The following ADAM12 variants were observed in gnomAD, a reference collection of about 807,000 sequenced individuals.
ADAM12 encodes the protein ADAM metallopeptidase domain 12, also known as disintegrin and metalloproteinase domain-containing protein 12.
Under a neutral mutation model 106.4 loss-of-function variants are expected in ADAM12, and 70 were observed. The ratio of observed to expected loss-of-function variants is 0.66; its 90% confidence interval spans 0.54 to 0.80. The LOEUF (loss-of-function observed/expected upper bound fraction) is 0.80, where lower values mean the gene tolerates loss of function less well. Among genes scored for constraint, ADAM12 ranks in the 30% least tolerant of loss-of-function variants. ADAM12 has a pLI of 0.00. For missense variants in ADAM12, 1,010 were observed against 1,171.9 expected (o/e 0.86, Z 2.02); for synonymous variants, 420 against 433.5 (o/e 0.97, Z 0.39).
At chr10:126,219,647 T>C (rs1590636259) in intron 3 of ADAM12, among the ~76,000 whole-genome samples, 2 of 152,242 alleles carry the variant, frequency 1.3e-5, no homozygotes, top group Non-Finnish European at 2.9e-5. Context: ...ATAGATATGT[T>C]GCAATTGTCT....
At chr10:126,315,653 A>G (rs750663792) in intron 2 of ADAM12, among the ~76,000 whole-genome samples, 1 of 152,080 alleles carries the variant, frequency 6.6e-6, no homozygotes, top group Non-Finnish European at 1.5e-5. Context: ...GTACCTGCCA[A>G]TGAAACAGCA....
chr10:126,228,813 G>A (rs889691429), intron 3 of ADAM12, among the ~76,000 whole-genome samples: 1 of 152,166 alleles, frequency 6.6e-6, no homozygotes, highest in East Asian at 1.9e-4. Context: ...ATATGTTCAA[G>A]CCTCCTCTTT....
At chr10:126,184,844 G>A (rs1457183543) in intron 3 of ADAM12, among the ~76,000 whole-genome samples, 3 of 152,152 alleles carry the variant, frequency 2.0e-5, no homozygotes, top group South Asian at 2.1e-4. Context: ...ACAAGGGTAC[G>A]AGGACGTCAC....
chr10:126,041,430 A>T (rs1954166678), intron 18 of ADAM12: 2 of 985,508 alleles, frequency 2.0e-6, no homozygotes, highest in Non-Finnish European at 2.4e-6. Flanking sequence ...TAACATTCTT[A>T]CTTGTTAAAT....
At chr10:126,167,790 A>G (rs370022792) in intron 3 of ADAM12, among the ~76,000 whole-genome samples, 84 of 152,330 alleles carry the variant, frequency 5.5e-4, no homozygotes, top group Non-Finnish European at 1.1e-3. Context: ...TTAAGCATCC[A>G]CATGGTCTAT....
At chr10:126,332,447 A>C (rs1199191393) in intron 1 of ADAM12, among the ~76,000 whole-genome samples, 1 of 152,262 alleles carries the variant, frequency 6.6e-6, no homozygotes, top group Admixed American at 6.5e-5. Flanking sequence ...TCAGAGAGCC[A>C]GAAGTGCTGT....
intron 1 of ADAM12, among the ~76,000 whole-genome samples, chr10:126,371,504 G>T (rs949383274): frequency 2.6e-5 from 4 of 152,122 alleles, no homozygotes; most frequent in Non-Finnish European, 4.4e-5. Flanking sequence ...ATTCACTTAC[G>T]TTTTGCTGTA....
chr10:126,019,463 T>A (rs1953719202), intron 22 of ADAM12, among the ~76,000 whole-genome samples: 1 of 152,222 alleles, frequency 6.6e-6, no homozygotes, highest in African/African-American at 2.4e-5. Flanking sequence ...TTTGCTCTCT[T>A]AGGTCCACTG....
intron 3 of ADAM12, among the ~76,000 whole-genome samples, chr10:126,207,222 G>C (rs1187093414): frequency 2.6e-5 from 4 of 152,170 alleles, no homozygotes; most frequent in African/African-American, 9.7e-5. Context: ...GAGAAAGCTT[G>C]GGGGAAACAA....
intron 9 of ADAM12, among the ~76,000 whole-genome samples, chr10:126,099,823 T>G (rs552707019): frequency 9.8e-5 from 15 of 152,360 alleles, no homozygotes; most frequent in African/African-American, 3.6e-4. Context: ...ATAGCTACAT[T>G]GGGTTTGTCA....
chr10:126,245,809 T>C (rs575641887), intron 3 of ADAM12, among the ~76,000 whole-genome samples: 2 of 152,162 alleles, frequency 1.3e-5, no homozygotes, highest in Admixed American at 1.3e-4. Context: ...GGCAAGAAAG[T>C]GGCCCTTTCT....
rs183409919 is a variant in ADAM12, at chr10:126,012,904, T to C, written c.*4375A>G. ...TAAAATAATCACATGATACTTATTC[T>C]TTGGAGGATTTAAAATGTGCTAAAT... On this transcript the variant is annotated 3_prime_UTR_variant, in exon 23 of 23. Transcript: ENST00000448723. The C allele has an allele frequency of 4.0e-4, 61 of 152,336 alleles. No individual in the cohort carries two copies. The East Asian group carries it at 9.2e-3, about 23-fold the overall frequency. 9.4% of individuals were successfully genotyped at this position (152,336 alleles called of 1,614,324 possible).
chr10:126,384,996 C>A (rs1246099987), intron 1 of ADAM12, among the ~76,000 whole-genome samples: 1 of 152,226 alleles, frequency 6.6e-6, no homozygotes, highest in Non-Finnish European at 1.5e-5. Flanking sequence ...TGGGGGTCCA[C>A]AACCCCCTTC....
At chr10:126,237,066 T>TC (rs1196518904) in intron 3 of ADAM12, among the ~76,000 whole-genome samples, 7 of 151,860 alleles carry the variant, frequency 4.6e-5, no homozygotes, top group Non-Finnish European at 7.4e-5. Flanking sequence ...CCACAACCCC[T>TC]CCCCCCATTT....
At chr10:126,291,399 G>A (rs1025147760) in intron 2 of ADAM12, among the ~76,000 whole-genome samples, 10 of 152,206 alleles carry the variant, frequency 6.6e-5, no homozygotes, top group African/African-American at 1.9e-4. Context: ...TACTGAGGCC[G>A]AATGCAAACA....
At chr10:126,102,158 G>C (rs1269106227) in intron 8 of ADAM12, among the ~76,000 whole-genome samples, 2 of 152,108 alleles carry the variant, frequency 1.3e-5, no homozygotes, top group Non-Finnish European at 2.9e-5. Context: ...CAGGGTAGAG[G>C]TATGACCTAC....
chr10:126,021,697 C>G (rs1425360753), intron 21 of ADAM12, among the ~76,000 whole-genome samples: 1 of 152,174 alleles, frequency 6.6e-6, no homozygotes, highest in Non-Finnish European at 1.5e-5. Context: ...CACACAGTAT[C>G]CTCACTGGTG....
rs1456264529 is a variant in ADAM12 at position 126,014,404 on chromosome 10, A to AAAGT, written c.*2871_*2874dup. 3.0e-5 allele frequency: 3 copies of AAAGT among 99,624 alleles called. No homozygotes were observed. Among genetic ancestry groups the AAAGT allele is most frequent in the Non-Finnish European group, 5.8e-5 (3 of 51,768 alleles). 6.2% of individuals were successfully genotyped at this position (99,624 alleles called of 1,614,324 possible). A position where few individuals can be genotyped will look rare whatever the true frequency, so the allele number is the denominator to read the frequency against. On this transcript the variant is annotated 3_prime_UTR_variant, in exon 23 of 23. Transcript: ENST00000448723. ...TATAGTTCAGCCTGAGAATTCTCATAAAGTTAAGAAGGCATAAAAATGCCC... is the reference window on the plus strand; with the variant it reads ...TATAGTTCAGCCTGAGAATTCTCATAAAGTAAGTTAAGAAGGCATAAAAATGCCC...
chr10:126,142,642 G>T (rs1278932125), intron 4 of ADAM12, among the ~76,000 whole-genome samples: 1 of 152,208 alleles, frequency 6.6e-6, no homozygotes, highest in East Asian at 1.9e-4. Context: ...TTTATGGCCA[G>T]ATTTGGCGGG....
Sources: gnomAD v4.1 joint callset for allele counts (sites outside exome capture counted in the v4.1 genomes callset) on GRCh38, gnomAD v4.1.1 for gene constraint, MANE v1.5 for transcripts, NCBI Gene and HGNC (gene_info 2026-07-23, HGNC 2026-07-21) for gene names.